ZNF571: variants seen among roughly 807,000 people sequenced by gnomAD.
ZNF571 encodes zinc finger protein 571.
Under a neutral mutation model 7.7 loss-of-function variants are expected in ZNF571, and 4 were observed. That is an observed-to-expected ratio of 0.52 (90% CI 0.25 to 1.18). ZNF571 has a LOEUF of 1.18. Ranked by LOEUF, ZNF571 falls within the 50% of genes most tolerant of loss-of-function variation. The pLI is 0.14. For missense variants in ZNF571, 704 were observed against 726.9 expected, an observed-to-expected ratio of 0.97 and a Z score of 0.36; for synonymous variants, 251 against 232.4, an observed-to-expected ratio of 1.08 and a Z score of -0.73.
chr19:37,567,508 A>C (rs2042901687), intron 3 of ZNF571: 1 of 151,644 alleles, frequency 6.6e-6, no homozygotes, highest in Non-Finnish European at 1.5e-5. Flanking sequence ...CAATTTCTTC[A>C]ACGTACCTTT....
Position 37,565,602 on chromosome 19 carries a change from C to A in ZNF571, c.826G>T (p.Glu276Ter). Residue 276 changes from glutamate (E) to a stop codon, truncating the protein, a stop_gained, in exon 4 of 4, where the codon GAA (glutamate) becomes TAA (stop). Transcript: ENST00000451802. LOFTEE classifies it low-confidence loss of function (END_TRUNC). ...YTLHQRIHSG[E>*]KPYECKDCGK... The stretch of plus-strand genomic sequence containing the variant: ...CAATCCTTACATTCATAGGGTTTTT[C>A]ACCACTATGAATTCTCTGATGAAGA... 1 of 1,613,326 alleles carries A rather than the reference C, an allele frequency of 6.2e-7. No homozygotes were observed. The highest frequency in any genetic ancestry group is 8.5e-7 in the Non-Finnish European group (1 of 1,179,754).
chr19:37,564,792 T>G lies in ZNF571; in HGVS notation c.1636A>C (p.Thr546Pro). 2 of 1,613,952 alleles carry G rather than the reference T, an allele frequency of 1.2e-6. No individual in the cohort carries two copies. Among genetic ancestry groups the G allele is most frequent in the Non-Finnish European group, 8.5e-7 (1 of 1,179,940 alleles). The change falls in exon 4 of 4, where the codon ACT (threonine) becomes CCT (proline). Residue 546 changes from threonine (T) to proline (P), a missense_variant. Coordinates refer to ENST00000451802, the MANE Select transcript of ZNF571 (RefSeq NM_016536.5). ...GKAFIRGSHL[T>P]EHLRTHTGEK... ...CCAGTATGAGTTCTCAGATGTTCAG[T>G]AAGGTGTGAGCCACGAATAAAAGCC... is the stretch of plus-strand genomic sequence containing the variant.
chr19:37,591,685 C>T (rs941984524), intron 1 of ZNF571, among the ~76,000 whole-genome samples: 1 of 152,032 alleles, frequency 6.6e-6, no homozygotes, highest in Non-Finnish European at 1.5e-5. Flanking sequence ...GCTGGGATTA[C>T]AGGAATGTGC....
chr19:37,589,629 T>A (rs1568361143), intron 1 of ZNF571, among the ~76,000 whole-genome samples: 2 of 152,026 alleles, frequency 1.3e-5, no homozygotes, highest in Non-Finnish European at 2.9e-5. Flanking sequence ...AAGATACACC[T>A]ATCAGATCTG....
intron 2 of ZNF571, among the ~76,000 whole-genome samples, chr19:37,584,895 C>T (rs975075639): frequency 1.4e-5 from 2 of 147,166 alleles, no homozygotes; most frequent in Non-Finnish European, 3.0e-5. Context: ...ACCCTGGAGG[C>T]GGAGCTTGCA....
chr19:37,564,456 G>T lies in ZNF571; in HGVS notation c.*142C>A. 1.6e-6 allele frequency: 1 copy of T among 618,972 alleles called. No individual in the cohort carries two copies. The highest frequency in any genetic ancestry group is 2.5e-6 in the Non-Finnish European group (1 of 402,740). The allele number at this position is 618,972 out of a possible 1,614,324, so 38.3% of individuals were successfully genotyped here. ...GAGATGTTAAGGAATTATTTAAGGG[G>T]TTTCTGAAATTATTCTGCATCCATG... On this transcript the variant is annotated 3_prime_UTR_variant, in exon 4 of 4. Coordinates refer to ENST00000451802, the MANE Select transcript of ZNF571 (RefSeq NM_016536.5).
chr19:37,575,339 T>C (rs934038103), intron 3 of ZNF571, among the ~76,000 whole-genome samples: 14 of 152,212 alleles, frequency 9.2e-5, no homozygotes, highest in African/African-American at 3.4e-4. Context: ...ATACATGAAA[T>C]TACAAACAGT....
chr19:37,578,361 AGAGT>A (rs1010149059), intron 3 of ZNF571, among the ~76,000 whole-genome samples: 10 of 152,132 alleles, frequency 6.6e-5, no homozygotes, highest in African/African-American at 2.2e-4. Flanking sequence ...AAACGGTGAG[AGAGT>A]GAGAGTCCCT....
In ZNF571 at chr19:37,564,271, A is replaced by T. The variant is rs2042770620; in HGVS notation, c.*327T>A. ...TATCAGATGCTATCGAAAGGGAATT[A>T]TATGTATTTAATTATAATTTAGTCA... On this transcript the variant is annotated 3_prime_UTR_variant, in exon 4 of 4. Transcript: ENST00000451802. 5.4e-6 allele frequency: 1 copy of T among 186,280 alleles called. No homozygotes were observed. Among genetic ancestry groups the T allele is most frequent in the Non-Finnish European group, 1.1e-5 (1 of 91,584 alleles). The allele number at this position is 186,280 out of a possible 1,614,324, so 11.5% of individuals were successfully genotyped here.
Position 37,565,215 on chromosome 19 carries a change from T to G in ZNF571, c.1213A>C (p.Asn405His). 1 of 1,613,326 alleles carries G rather than the reference T, an allele frequency of 6.2e-7. No homozygotes were observed. Among genetic ancestry groups the G allele is most frequent in the South Asian group, 1.1e-5 (1 of 90,948 alleles). Residue 405 changes from asparagine to histidine, a missense_variant, in exon 4 of 4, where the codon AAT becomes CAT. Physicochemically the swap from Asn to His is moderately conservative, Grantham distance 68 (BLOSUM62 1). Coordinates refer to ENST00000451802, the MANE Select transcript of ZNF571 (RefSeq NM_016536.5). ...TGAATTCTTTGATGTTGAATAAGATTAGAATTAGAAATAAAGGCTTTCCCA... is the reference window on the plus strand; with the variant it reads ...TGAATTCTTTGATGTTGAATAAGATGAGAATTAGAAATAAAGGCTTTCCCA... The part of the protein sequence containing the change: ...ECGKAFISNS[N>H]LIQHQRIHTG...
At chr19:37,579,363 G>C (rs2043364144) in intron 3 of ZNF571, among the ~76,000 whole-genome samples, 1 of 152,168 alleles carries the variant, frequency 6.6e-6, no homozygotes, top group African/African-American at 2.4e-5. Context: ...CAGGGCCTGA[G>C]GTCAGACCAA....
At chr19:37,589,789 C>G (rs1190033762) in intron 1 of ZNF571, among the ~76,000 whole-genome samples, 1 of 129,060 alleles carries the variant, frequency 7.7e-6, no homozygotes, top group Non-Finnish European at 1.6e-5. Context: ...TGCTTGAACC[C>G]GGGAGTTGGA....
chr19:37,587,956 C>T (rs1030008724), intron 1 of ZNF571, among the ~76,000 whole-genome samples: 1 of 151,694 alleles, frequency 6.6e-6, no homozygotes, highest in African/African-American at 2.4e-5. Context: ...AAAAATTAGC[C>T]AGGCATGGTG....
intron 3 of ZNF571, among the ~76,000 whole-genome samples, chr19:37,580,329 C>T (rs1442395077): frequency 6.6e-6 from 1 of 152,250 alleles, no homozygotes. Flanking sequence ...CTGCAGTCTT[C>T]ACCATCACAG....
chr19:37,577,253 TTA>T (rs920002470), intron 3 of ZNF571, among the ~76,000 whole-genome samples: 82 of 152,210 alleles, frequency 5.4e-4, no homozygotes, highest in African/African-American at 1.9e-3. Flanking sequence ...TAACATAAAT[TTA>T]TATGAGGTAA....
Position 37,569,968 on chromosome 19 carries a change from AG to A in ZNF571, c.137-3678del, listed in dbSNP as rs2042997362. ...GTAAGACAGCCACTCCACCCACTGCAGTCTACAAGGAAAGCCTCCATAGCTG... is the reference window on the plus strand; with the variant it reads ...GTAAGACAGCCACTCCACCCACTGCATCTACAAGGAAAGCCTCCATAGCTG... On this transcript the variant is annotated intron_variant, in intron 3 of 3. Coordinates refer to ENST00000451802, the MANE Select transcript of ZNF571 (RefSeq NM_016536.5). The surrounding 1 kb of genome is among the most constrained non-coding windows in gnomAD (Gnocchi z 4.4). 1 of 152,236 alleles carries A rather than the reference AG, an allele frequency of 6.6e-6. No homozygotes were observed. Among genetic ancestry groups the A allele is most frequent in the Non-Finnish European group, 1.5e-5 (1 of 68,068 alleles). The allele number at this position is 152,236 out of a possible 1,614,324, so 9.4% of individuals were successfully genotyped here. A position where few individuals can be genotyped will look rare whatever the true frequency, so the allele number is the denominator to read the frequency against.
intron 3 of ZNF571, among the ~76,000 whole-genome samples, chr19:37,579,044 C>A (rs977884415): frequency 1.3e-5 from 2 of 152,218 alleles, no homozygotes; most frequent in East Asian, 3.8e-4. Flanking sequence ...GCCCTGCCCC[C>A]ACCTGAACAT....
chr19:37,593,530 C>G (rs1006901768), intron 1 of ZNF571, among the ~76,000 whole-genome samples: 1 of 152,106 alleles, frequency 6.6e-6, no homozygotes, highest in Non-Finnish European at 1.5e-5. Context: ...GGTGAAACCT[C>G]GTCTCTACTA....
rs1000732555 is a variant in ZNF571 at position 37,566,219 on chromosome 19, C to T, written c.209G>A (p.Trp70Ter). Residue 70 changes from tryptophan to a stop codon, truncating the protein, a stop_gained, in exon 4 of 4, where the codon TGG (tryptophan) becomes TAG (stop). Transcript: ENST00000451802. LOFTEE classifies it low-confidence loss of function (END_TRUNC). The part of the protein sequence containing the change: ...KEIYEMESLQ[W>*]ENMGKRINHH... ...GTTGATACGTTTCCCCATATTCTCCCACTGGAGTGATTCCATTTCATAAAT... is the reference window on the plus strand; with the variant it reads ...GTTGATACGTTTCCCCATATTCTCCTACTGGAGTGATTCCATTTCATAAAT... 11 of 1,613,736 alleles carry T rather than the reference C, an allele frequency of 6.8e-6. No homozygotes were observed. The African/African-American group carries it at 1.3e-4, about 20-fold the overall frequency.
Sources: gnomAD v4.1 joint callset for allele counts (sites outside exome capture counted in the v4.1 genomes callset) on GRCh38, gnomAD v4.1.1 for gene constraint, Gnocchi (gnomAD v3.1) non-coding constraint, MANE v1.5 for transcripts, NCBI Gene and HGNC (gene_info 2026-07-23, HGNC 2026-07-21) for gene names.